The following USP48 variants were observed in gnomAD, a reference collection of about 807,000 sequenced individuals.
The protein encoded by USP48 is ubiquitin carboxyl-terminal hydrolase 48.
In USP48, 43 loss-of-function variants were observed where a neutral mutation model predicts 150.7. The observed-to-expected ratio is 0.29, with a 90% confidence interval of 0.22 to 0.37. The LOEUF (loss-of-function observed/expected upper bound fraction) is 0.37, where lower values mean the gene tolerates loss of function less well. Ranked by LOEUF, USP48 falls within the 10% of genes least tolerant of loss-of-function variation. The probability of loss-of-function intolerance (pLI) is 1.00; values close to 1 mark genes in which losing one functional copy is unlikely to be tolerated. For synonymous variants in USP48, 396 were observed against 425.9 expected (o/e 0.93, Z 0.86); for missense variants, 813 against 1,249.6 (o/e 0.65, Z 5.27).
intron 15 of USP48, among the ~76,000 whole-genome samples, chr1:21,709,358 G>A (rs1216350165): frequency 4.6e-5 from 7 of 152,034 alleles, no homozygotes; most frequent in African/African-American, 1.2e-4. Context: ...TAAATTTCCC[G>A]TGAGTCTATG....
intron 8 of USP48, among the ~76,000 whole-genome samples, chr1:21,739,888 T>C (rs2097777237): frequency 6.6e-6 from 1 of 152,204 alleles, no homozygotes; most frequent in Admixed American, 6.5e-5. Flanking sequence ...TTAGATTCTA[T>C]ATATAGTATC....
intron 1 of USP48, among the ~76,000 whole-genome samples, chr1:21,773,149 G>C (rs1294115230): frequency 6.7e-6 from 1 of 150,180 alleles, no homozygotes; most frequent in South Asian, 2.1e-4. Context: ...CAGCTACTTG[G>C]GAGGCTGAGG....
rs61410306 is a variant in USP48, at chr1:21,739,518, CAAAAAAAAAAAAAA to C, written c.992-2907_992-2894del. Among the ~76,000 whole-genome samples, 99 of 66,334 alleles carry C rather than the reference CAAAAAAAAAAAAAA, an allele frequency of 1.5e-3. No homozygotes were observed. In the East Asian group the frequency reaches 0.031, roughly 21 times the overall value. 43.5% of individuals were successfully genotyped at this position (66,334 alleles called of 152,430 possible). ...TGGAAAACAAGGCAAGACTCCGTCT[CAAAAAAAAAAAAAA>C]AAAAAAAAAAAAAGACAAATAATAT... On this transcript the variant is annotated intron_variant, in intron 8 of 26. Coordinates refer to ENST00000308271, the MANE Select transcript of USP48 (RefSeq NM_032236.8).
chr1:21,748,130 A>C lies in USP48; in HGVS notation c.908+8T>G. 1 of 1,610,296 alleles carries C rather than the reference A, an allele frequency of 6.2e-7. No individual in the cohort carries two copies. The highest frequency in any genetic ancestry group is 8.5e-7 in the Non-Finnish European group (1 of 1,178,368). ...GAACAACAAACACTAATATTTGCAC[A>C]CATTTACCTGTCAAAGACAAAACGC... On this transcript the variant is annotated splice_region_variant and intron_variant, in intron 7 of 26. Transcript: ENST00000308271.
At chr1:21,722,699 A>T (rs2097724844) in intron 12 of USP48, among the ~76,000 whole-genome samples, 1 of 151,722 alleles carries the variant, frequency 6.6e-6, no homozygotes, top group South Asian at 2.1e-4. Context: ...ACAAAACTTA[A>T]CCAGGCATGG....
At position 21,721,027 on chromosome 1, in the gene USP48, A is replaced by G; in HGVS notation, c.1894+9T>C. On this transcript the variant is annotated intron_variant, in intron 14 of 26. Transcript: ENST00000308271. ...TCACAATGATCTACACATAGGTTTA[A>G]AGTGTTACCTTTATTTAAGGTGCTA... 3 of 1,614,062 alleles carry G rather than the reference A, an allele frequency of 1.9e-6. No individual in the cohort carries two copies. Among genetic ancestry groups the G allele is most frequent in the Non-Finnish European group, 2.5e-6 (3 of 1,179,958 alleles).
chr1:21,750,933 T>C (rs1352360622), intron 6 of USP48, among the ~76,000 whole-genome samples: 1 of 151,412 alleles, frequency 6.6e-6, no homozygotes. Context: ...ACTTCAGGCA[T>C]GCCCATGGAT....
In USP48 at chr1:21,728,675, C is replaced by G. The variant is rs368623020; in HGVS notation, c.1345G>C (p.Glu449Gln). 4.2e-5 allele frequency: 67 copies of G among 1,614,160 alleles called. No individual in the cohort carries two copies. The highest frequency in any genetic ancestry group is 3.6e-4 in the East Asian group (16 of 44,870). The change falls in exon 11 of 27, where the codon GAG (glutamate) becomes CAG (glutamine). Residue 449 changes from glutamate to glutamine, a missense_variant. Glu to Gln is a conservative substitution (Grantham distance 29). Coordinates refer to ENST00000308271, the MANE Select transcript of USP48 (RefSeq NM_032236.8). ...ATCTCAGCCATTTCAATACACCACT[C>G]CTCAAATTTGGAATTATCCCGATCT... ...LVDRDNSKFEEWCIEMAEMRK... is the reference protein window; with the variant it reads ...LVDRDNSKFEQWCIEMAEMRK...
At chr1:21,757,062 A>C in intron 2 of USP48, 1 of 923,816 alleles carries the variant, frequency 1.1e-6, no homozygotes, top group Non-Finnish European at 1.3e-6. Context: ...ATTCAGCAGA[A>C]TGACAAAGTA....
chr1:21,750,170 G>A (rs1429867835), intron 6 of USP48, among the ~76,000 whole-genome samples: 1 of 152,066 alleles, frequency 6.6e-6, no homozygotes, highest in Non-Finnish European at 1.5e-5. Context: ...TATGGCCCTT[G>A]TGTCACCTCC....
At chr1:21,738,138 A>G (rs2097772644) in intron 8 of USP48, among the ~76,000 whole-genome samples, 1 of 151,608 alleles carries the variant, frequency 6.6e-6, no homozygotes, top group African/African-American at 2.4e-5. Flanking sequence ...GCTCACTGCA[A>G]CCTCTGCTTC....
At chr1:21,716,572 G>GC (rs748369542) in intron 14 of USP48, among the ~76,000 whole-genome samples, 2 of 152,202 alleles carry the variant, frequency 1.3e-5, no homozygotes, top group Non-Finnish European at 2.9e-5. Flanking sequence ...GCAAAACCTT[G>GC]CATAAGGGTG....
intron 1 of USP48, among the ~76,000 whole-genome samples, chr1:21,764,272 T>C (rs2152624795): frequency 6.6e-6 from 1 of 152,116 alleles, no homozygotes; most frequent in South Asian, 2.1e-4. Context: ...AACCCATCTT[T>C]ACTAAAAATA....
chr1:21,721,307 C>T, intron 13 of USP48, 141 bp from the exon 14 acceptor site: 1 of 1,233,558 alleles, frequency 8.1e-7, no homozygotes, highest in East Asian at 2.6e-5. Context: ...TAACCCACTT[C>T]CTAATTTCGG....
chr1:21,680,914 A>C (rs1267102319), intron 25 of USP48, 80 bp from the exon 26 acceptor site: 5 of 1,137,998 alleles, frequency 4.4e-6, no homozygotes, highest in Non-Finnish European at 2.5e-6. Context: ...ATGCTTAAAG[A>C]CAAAAGTTTA....
Position 21,703,576 on chromosome 1 carries a change from T to G in USP48, c.2558A>C (p.Gln853Pro). The G allele has an allele frequency of 6.2e-7, 1 of 1,612,012 alleles. No individual in the cohort carries two copies. The highest frequency in any genetic ancestry group is 8.5e-7 in the Non-Finnish European group (1 of 1,179,970). ...TTGAGTGTATTCACGCAGGTCCCTC[T>G]GCTGCTGACACAATAAGCCTTCTCT... ...ECREGLLCQQ[Q>P]RDLREYTQAT... The change falls in exon 21 of 27, where the codon CAG becomes CCG. Residue 853 changes from glutamine to proline, a missense_variant. Gln to Pro is a moderately conservative substitution (Grantham distance 76, BLOSUM62 -1). Transcript: ENST00000308271.
chr1:21,713,345 G>C (rs931673560), intron 15 of USP48, among the ~76,000 whole-genome samples: 16 of 152,186 alleles, frequency 1.1e-4, no homozygotes, highest in East Asian at 3.9e-4. Context: ...TTGGACTCAA[G>C]TGATCCTCCC....
chr1:21,730,104 C>T (rs951907455), intron 9 of USP48, among the ~76,000 whole-genome samples: 1 of 152,092 alleles, frequency 6.6e-6, no homozygotes, highest in Admixed American at 6.6e-5. Context: ...ACAAAAAAAT[C>T]ACTATTGCCA....
chr1:21,707,388 T>C (rs1165106535), intron 15 of USP48, among the ~76,000 whole-genome samples: 2 of 152,030 alleles, frequency 1.3e-5, no homozygotes, highest in Admixed American at 1.3e-4. Flanking sequence ...CTGCCTTAAG[T>C]TATCAATTCA....
Sources: allele counts gnomAD v4.1 joint callset (sites outside exome capture counted in the v4.1 genomes callset), GRCh38; gene constraint gnomAD v4.1.1; transcripts MANE v1.5; gene names NCBI Gene and HGNC (gene_info 2026-07-23, HGNC 2026-07-21).